The following POLH variants were observed in gnomAD, a reference collection of about 807,000 sequenced individuals.
The protein encoded by POLH is DNA polymerase eta transcript.
Under a neutral mutation model 73.6 loss-of-function variants are expected in POLH, and 53 were observed. The observed-to-expected ratio is 0.72, with a 90% confidence interval of 0.58 to 0.91. The LOEUF is 0.91. Among genes scored for constraint, POLH ranks in the 40% least tolerant of loss-of-function variants. The pLI, the probability that POLH is intolerant of heterozygous loss-of-function variation, is 0.00. For missense variants in POLH, 768 were observed against 865.4 expected (o/e 0.89, Z 1.41); for synonymous variants, 292 against 308.5 (o/e 0.95, Z 0.56).
At position 43,614,967 on chromosome 6, in the gene POLH, T is replaced by C; in HGVS notation, c.*410T>C. The C allele has an allele frequency of 5.7e-6, 1 of 175,320 alleles. No homozygotes were observed. The highest frequency in any genetic ancestry group is 1.3e-4 in the South Asian group (1 of 7,962). 10.9% of individuals were successfully genotyped at this position (175,320 alleles called of 1,614,324 possible). A position where few individuals can be genotyped will look rare whatever the true frequency, so the allele number is the denominator to read the frequency against. ...AGATTATTGCAGATTAATAACAATG[T>C]ATTCAAATTATGTAACTCGGCCGGG... On this transcript the variant is annotated 3_prime_UTR_variant, in exon 11 of 11. Coordinates refer to ENST00000372236, the MANE Select transcript of POLH (RefSeq NM_006502.3).
At position 43,603,999 on chromosome 6, in the gene POLH, G is replaced by A. The variant is rs768965074; in HGVS notation, c.872G>A (p.Gly291Glu). ...GAATCCCAGCTCCAGAGTCATTTTGGGGAGAAGAATGGGTAAGTGATTCAT... is the reference window on the plus strand; with the variant it reads ...GAATCCCAGCTCCAGAGTCATTTTGAGGAGAAGAATGGGTAAGTGATTCAT... ...FTESQLQSHFGEKNGSWLYAM... is the reference protein window; with the variant it reads ...FTESQLQSHFEEKNGSWLYAM... The change falls in exon 7 of 11, where the codon GGG becomes GAG. Residue 291 changes from glycine to glutamate, a missense_variant. Coordinates refer to ENST00000372236, the MANE Select transcript of POLH (RefSeq NM_006502.3). 1 of 1,613,214 alleles carries A rather than the reference G, an allele frequency of 6.2e-7. No homozygotes were observed. Among genetic ancestry groups the A allele is most frequent in the South Asian group, 1.1e-5 (1 of 91,064 alleles).
chr6:43,587,709 A>G (rs1188450869), intron 4 of POLH, among the ~76,000 whole-genome samples: 1 of 152,230 alleles, frequency 6.6e-6, no homozygotes, highest in African/African-American at 2.4e-5. Flanking sequence ...CTCTTTAGAT[A>G]TAACTAGGGC....
chr6:43,596,482 CAAAAAAA>C (rs1384997440), intron 4 of POLH, among the ~76,000 whole-genome samples: 4 of 138,642 alleles, frequency 2.9e-5, no homozygotes, highest in African/African-American at 5.3e-5. Flanking sequence ...GACTTCGTCT[CAAAAAAA>C]AAAGAAAAAA....
intron 4 of POLH, among the ~76,000 whole-genome samples, chr6:43,589,046 G>A (rs1428070064): frequency 6.6e-6 from 1 of 151,650 alleles, no homozygotes; most frequent in Non-Finnish European, 1.5e-5. Context: ...CACCGTGTTA[G>A]CCAAGATGGT....
rs115373614 is a variant in POLH, at chr6:43,611,244, T to A, written c.1244+521T>A. Reference sequence around the variant, plus strand: ...AGACCCTTACTCTGTATTGGCTTGGTCAGGGAAATGACCAGTTGCACTTGG... The same window carrying A: ...AGACCCTTACTCTGTATTGGCTTGGACAGGGAAATGACCAGTTGCACTTGG... On this transcript the variant is annotated intron_variant, in intron 10 of 10. Coordinates refer to ENST00000372236, the MANE Select transcript of POLH (RefSeq NM_006502.3). Among the ~76,000 whole-genome samples, 907 of 152,338 alleles carry A rather than the reference T, an allele frequency of 6.0e-3. 11 individuals are homozygous for A. Among genetic ancestry groups the A allele is most frequent in the African/African-American group, 0.02 (838 of 41,576 alleles).
chr6:43,578,486 A>C (rs1561893744), intron 1 of POLH: 3 of 417,528 alleles, frequency 7.2e-6, no homozygotes, highest in Admixed American at 5.7e-5. Flanking sequence ...GTAGTATTTA[A>C]AGCAGCCTGG....
chr6:43,597,655 AT>A (rs746169710), intron 4 of POLH, 40 bp from the exon 5 acceptor site: 20 of 1,547,068 alleles, frequency 1.3e-5, no homozygotes, highest in Middle Eastern at 1.7e-4. Flanking sequence ...TAAATAAATA[AT>A]TTTTTAAATG....
At position 43,619,027 on chromosome 6, in the gene POLH, G is replaced by A. The variant is rs1215487502; in HGVS notation, c.*4470G>A. Among the ~76,000 whole-genome samples, 1 of 151,840 alleles carries A rather than the reference G, an allele frequency of 6.6e-6. No homozygotes were observed. Among genetic ancestry groups the A allele is most frequent in the East Asian group, 1.9e-4 (1 of 5,180 alleles). ...ATTTGAAAACCACTAGATTTACCAG[G>A]AAATTTTTTTCTTCAAAAATATTTT... is the stretch of plus-strand genomic sequence containing the variant. On this transcript the variant is annotated 3_prime_UTR_variant, in exon 11 of 11. Coordinates refer to ENST00000372236, the MANE Select transcript of POLH (RefSeq NM_006502.3).
At chr6:43,591,761 A>G (rs1219675795) in intron 4 of POLH, among the ~76,000 whole-genome samples, 1 of 152,040 alleles carries the variant, frequency 6.6e-6, no homozygotes, top group East Asian at 1.9e-4. Flanking sequence ...AAAAATTTGT[A>G]TCTATACATA....
chr6:43,604,695 G>GT lies in POLH; in HGVS notation c.966dup (p.Lys323Ter). 6.2e-7 allele frequency: 1 copy of GT among 1,614,144 alleles called. No homozygotes were observed. The highest frequency in any genetic ancestry group is 1.6e-4 in the Middle Eastern group (1 of 6,062). ...CAACTACCCAAAACCATTGGCTGTAGTAAGAACTTCCCAGGAAAAACAGCT... is the reference window on the plus strand; with the variant it reads ...CAACTACCCAAAACCATTGGCTGTAGTTAAGAACTTCCCAGGAAAAACAGCT... On this transcript the variant is annotated frameshift_variant, in exon 8 of 11. Transcript: ENST00000372236. LOFTEE classifies it high-confidence loss of function.
At chr6:43,588,191 C>T (rs1484389572) in intron 4 of POLH, 3 of 156,686 alleles carry the variant, frequency 1.9e-5, no homozygotes, top group Non-Finnish European at 4.2e-5. Flanking sequence ...TTCAAAATTT[C>T]TAATCACTTC....
At chr6:43,587,804 G>A (rs1318434057) in intron 4 of POLH, among the ~76,000 whole-genome samples, 2 of 152,132 alleles carry the variant, frequency 1.3e-5, no homozygotes, top group Non-Finnish European at 2.9e-5. Context: ...CGAGGTGGGT[G>A]GATCATGAGG....
rs1768191724 is a variant in POLH, at chr6:43,614,448, C to T, written c.2033C>T (p.Ser678Phe). The change falls in exon 11 of 11, where the codon TCT becomes TTT. Residue 678 changes from serine (S) to phenylalanine (F), a missense_variant. Ser to Phe is a radical substitution (Grantham distance 155, BLOSUM62 -2). Coordinates refer to ENST00000372236, the MANE Select transcript of POLH (RefSeq NM_006502.3). ...AACCCCCAGGTTGTTTCTGCCGTAT[C>T]TCATCAAGGCAAAAGAAATCCCAAG... ...SSNPQVVSAV[S>F]HQGKRNPKSP... 17 of 1,614,176 alleles carry T rather than the reference C, an allele frequency of 1.1e-5. No individual in the cohort carries two copies. The highest frequency in any genetic ancestry group is 1.4e-5 in the Non-Finnish European group (17 of 1,180,014).
intron 9 of POLH, among the ~76,000 whole-genome samples, chr6:43,609,264 C>CT (rs1175782221): frequency 6.6e-6 from 1 of 152,108 alleles, no homozygotes; most frequent in East Asian, 1.9e-4. Flanking sequence ...AGGACCTGGA[C>CT]TTTATTTTGT....
chr6:43,586,405 C>T (rs1264879454), intron 3 of POLH, among the ~76,000 whole-genome samples: 1 of 152,112 alleles, frequency 6.6e-6, no homozygotes, highest in African/African-American at 2.4e-5. Context: ...TGCTTGAACC[C>T]GGGAGGTGGA....
intron 1 of POLH, among the ~76,000 whole-genome samples, chr6:43,581,311 AC>A (rs1764169461): frequency 7.1e-6 from 1 of 139,906 alleles, no homozygotes; most frequent in Non-Finnish European, 1.5e-5. Context: ...GCGGGCAGAG[AC>A]GCTCCTCACT....
chr6:43,582,260 C>T, intron 1 of POLH, 56 bp from the exon 2 acceptor site: 1 of 1,530,562 alleles, frequency 6.5e-7, no homozygotes, highest in Middle Eastern at 1.7e-4. Flanking sequence ...TTACAGTTTT[C>T]CCTGGCATTT....
intron 1 of POLH, among the ~76,000 whole-genome samples, chr6:43,577,716 A>AT (rs1157666514): frequency 6.6e-6 from 1 of 151,736 alleles, no homozygotes; most frequent in East Asian, 1.9e-4. Context: ...TAAATCATGG[A>AT]TTGCTGGTGT....
At position 43,587,273 on chromosome 6, in the gene POLH, T is replaced by C. The variant is rs763925456; in HGVS notation, c.274T>C (p.Tyr92His). 6.2e-7 allele frequency: 1 copy of C among 1,612,832 alleles called. No homozygotes were observed. Among genetic ancestry groups the C allele is most frequent in the Non-Finnish European group, 8.5e-7 (1 of 1,178,734 alleles). Residue 92 changes from tyrosine to histidine, a missense_variant and splice_region_variant, in exon 4 of 11, where the codon TAC becomes CAC. Physicochemically the swap from Tyr to His is moderately conservative, Grantham distance 83. Transcript: ENST00000372236. ...ATGAATGATCCTTATACTTCTTAGGTACCGGGAAGCCAGTGTTGAAGTGAT... is the reference window on the plus strand; with the variant it reads ...ATGAATGATCCTTATACTTCTTAGGCACCGGGAAGCCAGTGTTGAAGTGAT... ...ESRGKANLTK[Y>H]REASVEVMEI...
Sources: allele counts gnomAD v4.1 joint callset (sites outside exome capture counted in the v4.1 genomes callset), GRCh38; gene constraint gnomAD v4.1.1; transcripts MANE v1.5; gene names NCBI Gene and HGNC (gene_info 2026-07-23, HGNC 2026-07-21).